Variants in CLUL1 observed in about 807,000 individuals in gnomAD.
CLUL1 encodes the protein clusterin-like protein 1.
CLUL1 carries 43 observed loss-of-function variants against 49.4 expected under a neutral mutation model. That is an observed-to-expected ratio of 0.87 (90% CI 0.68 to 1.12). The LOEUF (loss-of-function observed/expected upper bound fraction) is 1.12. Ranked by LOEUF, CLUL1 falls within the 50% of genes most tolerant of loss-of-function variation. CLUL1 has a pLI of 0.00. For missense variants in CLUL1, 486 were observed against 544.4 expected, an observed-to-expected ratio of 0.89 and a Z score of 1.07; for synonymous variants, 192 against 184.9, an observed-to-expected ratio of 1.04 and a Z score of -0.31.
intron 1 of CLUL1, among the ~76,000 whole-genome samples, chr18:603,871 G>A (rs577110): frequency 0.37 from 56,110 of 151,954 alleles, 11,200 homozygotes; most frequent in African/African-American, 0.52. Flanking sequence ...TACATGCAGT[G>A]TGTATCTTTT....
intron 1 of CLUL1, among the ~76,000 whole-genome samples, chr18:602,002 C>CT (rs1398369670): frequency 6.6e-6 from 1 of 152,086 alleles, no homozygotes; most frequent in Non-Finnish European, 1.5e-5. Context: ...GGGAGGACCA[C>CT]TTGAGGCCAG....
chr18:627,015 G>GA (rs369871169), intron 5 of CLUL1, 82 bp from the exon 6 acceptor site: 24,078 of 330,920 alleles, frequency 0.073, 11,342 homozygotes, highest in African/African-American at 0.23. Context: ...AGGAAAGAAA[G>GA]AAAGAAAGAA....
chr18:599,200 G>T (rs1486840056), intron 1 of CLUL1, among the ~76,000 whole-genome samples: 3 of 152,184 alleles, frequency 2.0e-5, no homozygotes, highest in Non-Finnish European at 1.5e-5. Flanking sequence ...ATGTCTTTAA[G>T]TGTATGTTGT....
chr18:629,795 G>A (rs546168140), intron 6 of CLUL1, among the ~76,000 whole-genome samples: 16 of 152,330 alleles, frequency 1.1e-4, no homozygotes, highest in South Asian at 2.1e-4. Context: ...AGAAGCTACC[G>A]CAGAGGAGAC....
intron 7 of CLUL1, among the ~76,000 whole-genome samples, chr18:638,404 A>G (rs947364988): frequency 1.3e-5 from 2 of 152,246 alleles, no homozygotes; most frequent in Non-Finnish European, 2.9e-5. Context: ...CCTGATAATC[A>G]ATATGCACCA....
In CLUL1 at chr18:627,135, T is replaced by C; in HGVS notation, c.462T>C (p.Phe154=). ...TCAGGAAGATATATCAATTTCTATTTCCTTTCCATGAAGATAATGAAAAAG... is the reference window on the plus strand; with the variant it reads ...TCAGGAAGATATATCAATTTCTATTCCCTTTCCATGAAGATAATGAAAAAG... ...RFFRKIYQFL[F]PFHEDNEKDL... is the part of the protein sequence containing the mutation. The change falls in exon 6 of 10, where the codon TTT becomes TTC. Residue 154 remains phenylalanine (F), a synonymous_variant. Transcript: ENST00000692774. 3 of 1,613,048 alleles carry C rather than the reference T, an allele frequency of 1.9e-6. No individual in the cohort carries two copies. Among genetic ancestry groups the C allele is most frequent in the Non-Finnish European group, 2.5e-6 (3 of 1,179,350 alleles).
At chr18:630,670 ATCTTT>A (rs1306904750) in intron 6 of CLUL1, among the ~76,000 whole-genome samples, 1 of 105,156 alleles carries the variant, frequency 9.5e-6, no homozygotes, top group East Asian at 3.1e-4. Context: ...CCCTACTGAC[ATCTTT>A]TTTTTTTTTT....
chr18:612,874 G>C (rs896009331), intron 2 of CLUL1: 1 of 160,604 alleles, frequency 6.2e-6, no homozygotes, highest in African/African-American at 2.4e-5. Flanking sequence ...CTATTCCAAG[G>C]GTTGAACTTG....
Position 644,959 on chromosome 18 carries a change from T to C in CLUL1, c.1259T>C (p.Met420Thr). The change falls in exon 9 of 10, where the codon ATG (methionine) becomes ACG (threonine). Residue 420 changes from methionine (M) to threonine (T), a missense_variant. Transcript: ENST00000692774. ...AATATTTCCAAACAAGATGAAACAATGATGACAGACTTAAGCATTCTGCCT... is the reference window on the plus strand; with the variant it reads ...AATATTTCCAAACAAGATGAAACAACGATGACAGACTTAAGCATTCTGCCT... ...EGNISKQDET[M>T]MTDLSILPSS... The C allele has an allele frequency of 6.2e-7, 1 of 1,613,512 alleles. No homozygotes were observed. The highest frequency in any genetic ancestry group is 8.5e-7 in the Non-Finnish European group (1 of 1,179,714).
rs2143936746 is a variant in CLUL1, at chr18:606,245, G to A, written c.-135-733G>A. On this transcript the variant is annotated intron_variant, in intron 1 of 9. Coordinates refer to ENST00000692774, the MANE Select transcript of CLUL1 (RefSeq NM_001393344.1). The surrounding 1 kb of genome is among the most constrained non-coding windows in gnomAD (Gnocchi z 4.1). Reference sequence around the variant, plus strand: ...CCACCACAGTGCAGACCCACAACAGGGAGAAGGACGGCCACAGTCCCTCAA... The same window carrying A: ...CCACCACAGTGCAGACCCACAACAGAGAGAAGGACGGCCACAGTCCCTCAA... Among the ~76,000 whole-genome samples, 1 of 152,248 alleles carries A rather than the reference G, an allele frequency of 6.6e-6. No individual in the cohort carries two copies. Among genetic ancestry groups the A allele is most frequent in the South Asian group, 2.1e-4 (1 of 4,828 alleles).
In CLUL1 at chr18:603,612, C is replaced by T. The variant is rs528734809; in HGVS notation, c.-135-3366C>T. Among the ~76,000 whole-genome samples, 5 of 152,260 alleles carry T rather than the reference C, an allele frequency of 3.3e-5. No homozygotes were observed. In the East Asian group the frequency reaches 9.6e-4, roughly 29 times the overall value. On this transcript the variant is annotated intron_variant, in intron 1 of 9. Transcript: ENST00000692774. The stretch of plus-strand genomic sequence containing the variant: ...CGAAAACAATCAAGTGACATTGCTA[C>T]AACCCATAGAGCTTATTCAGATTTC...
intron 9 of CLUL1, among the ~76,000 whole-genome samples, chr18:645,811 ATATATAT>A (rs1327452778): frequency 6.3e-4 from 21 of 33,504 alleles, no homozygotes; most frequent in African/African-American, 1.5e-3. Flanking sequence ...AAAAAAAAAA[ATATATAT>A]ATATATATAT....
chr18:623,022 T>C (rs524054), intron 4 of CLUL1, among the ~76,000 whole-genome samples: 10 of 133,720 alleles, frequency 7.5e-5, no homozygotes, highest in African/African-American at 2.8e-5. Context: ...GTTACTTGCC[T>C]TGGAGAAACA....
intron 6 of CLUL1, among the ~76,000 whole-genome samples, chr18:630,121 T>C (rs2073948003): frequency 6.6e-6 from 1 of 152,174 alleles, no homozygotes. Context: ...TATTTATTTA[T>C]TTTTTGAGAC....
In CLUL1 at chr18:615,093, A is replaced by G. The variant is rs569014623; in HGVS notation, c.-13-2895A>G. On this transcript the variant is annotated intron_variant, in intron 2 of 9. Transcript: ENST00000692774. ...TCTTAATTAAGATGACTTTGCTTCTAAATCTCCTTAATTATCAAGCAGCTA... is the reference window on the plus strand; with the variant it reads ...TCTTAATTAAGATGACTTTGCTTCTGAATCTCCTTAATTATCAAGCAGCTA... 8.5e-5 allele frequency among the ~76,000 whole-genome samples: 13 copies of G among 152,304 alleles called. No homozygotes were observed. The South Asian group carries it at 1.7e-3, about 19-fold the overall frequency.
intron 1 of CLUL1, among the ~76,000 whole-genome samples, chr18:602,803 G>A (rs2072869812): frequency 6.6e-6 from 1 of 152,188 alleles, no homozygotes; most frequent in African/African-American, 2.4e-5. Flanking sequence ...GAAAGACCTA[G>A]AAGGGGCAAT....
chr18:637,353 C>T (rs1056486144), intron 7 of CLUL1, among the ~76,000 whole-genome samples: 5 of 152,076 alleles, frequency 3.3e-5, no homozygotes, highest in Non-Finnish European at 7.4e-5. Flanking sequence ...TCAGGTTACA[C>T]GGGCCACAGA....
intron 7 of CLUL1, among the ~76,000 whole-genome samples, chr18:639,701 G>C (rs1253545051): frequency 6.6e-6 from 1 of 152,144 alleles, no homozygotes; most frequent in Admixed American, 6.6e-5. Context: ...GGAAGCAGAG[G>C]TTGCAGTGAG....
intron 9 of CLUL1, among the ~76,000 whole-genome samples, chr18:647,089 T>C (rs2074529441): frequency 6.6e-6 from 1 of 152,090 alleles, no homozygotes; most frequent in African/African-American, 2.4e-5. Flanking sequence ...TAATTAAATA[T>C]ATAAATGTAG....
Sources: gnomAD v4.1 joint callset for allele counts (sites outside exome capture counted in the v4.1 genomes callset) on GRCh38, gnomAD v4.1.1 for gene constraint, Gnocchi (gnomAD v3.1) non-coding constraint, MANE v1.5 for transcripts, NCBI Gene and HGNC (gene_info 2026-07-23, HGNC 2026-07-21) for gene names.